Variants in LRRC66 observed in about 807,000 individuals in gnomAD.
The protein encoded by LRRC66 is leucine-rich repeat-containing protein 66.
LRRC66 carries 29 observed loss-of-function variants against 24.6 expected under a neutral mutation model. That is an observed-to-expected ratio of 1.18 (90% CI 0.88 to 1.61). The LOEUF is 1.61. Among genes scored for constraint, LRRC66 ranks in the 40% most tolerant of loss-of-function variants. LRRC66 has a pLI of 0.00. For missense variants in LRRC66, 1,124 were observed against 1,058.0 expected, an observed-to-expected ratio of 1.06 and a Z score of -0.87; for synonymous variants, 411 against 397.6, an observed-to-expected ratio of 1.03 and a Z score of -0.40.
In LRRC66 at chr4:51,995,761, A is replaced by C. The variant is rs1736292376; in HGVS notation, c.1261T>G (p.Ser421Ala). Residue 421 changes from serine (S) to alanine (A), a missense_variant, in exon 5 of 5, where the codon TCA (serine) becomes GCA (alanine). Transcript: ENST00000682860. ...ATGTCATCGTAGAAGCCCTCGTTTGAATACGCGTTGTCCAGGCCAGGGCTT... is the reference window on the plus strand; with the variant it reads ...ATGTCATCGTAGAAGCCCTCGTTTGCATACGCGTTGTCCAGGCCAGGGCTT... ...SKSPGLDNAY[S>A]NEGFYDDMEA... 6.2e-7 allele frequency: 1 copy of C among 1,613,944 alleles called. No individual in the cohort carries two copies. Among genetic ancestry groups the C allele is most frequent in the Non-Finnish European group, 8.5e-7 (1 of 1,180,010 alleles).
chr4:52,007,342 C>T (rs1736611700), intron 2 of LRRC66, among the ~76,000 whole-genome samples: 1 of 151,632 alleles, frequency 6.6e-6, no homozygotes, highest in Non-Finnish European at 1.5e-5. Flanking sequence ...CTATGTCTGG[C>T]TATTTTTTTT....
At chr4:52,015,769 C>T (rs1326338343) in intron 2 of LRRC66, among the ~76,000 whole-genome samples, 2 of 152,116 alleles carry the variant, frequency 1.3e-5, no homozygotes, top group African/African-American at 4.8e-5. Flanking sequence ...CTTGATTAAA[C>T]CAATTATGAT....
chr4:52,006,349 C>T (rs1175474596), intron 2 of LRRC66, among the ~76,000 whole-genome samples: 1 of 152,002 alleles, frequency 6.6e-6, no homozygotes, highest in Non-Finnish European at 1.5e-5. Context: ...GGCACATATA[C>T]ACCATGGAAT....
chr4:52,000,668 C>T (rs994913117), intron 3 of LRRC66, among the ~76,000 whole-genome samples: 4 of 152,236 alleles, frequency 2.6e-5, no homozygotes, highest in African/African-American at 9.7e-5. Context: ...TGGCACAGAA[C>T]TGAAGGCAGG....
intron 2 of LRRC66, among the ~76,000 whole-genome samples, chr4:52,011,896 G>C (rs1736713058): frequency 6.6e-6 from 1 of 152,136 alleles, no homozygotes; most frequent in Non-Finnish European, 1.5e-5. Flanking sequence ...AGAATTACAA[G>C]TAAACAGGCT....
chr4:51,994,456 G>A lies in LRRC66; in HGVS notation c.2566C>T (p.Pro856Ser), dbSNP rs1393003099. Residue 856 changes from proline (P) to serine (S), a missense_variant, in exon 5 of 5, where the codon CCA (proline) becomes TCA (serine). Coordinates refer to ENST00000682860, the MANE Select transcript of LRRC66 (RefSeq NM_001024611.3). ...GAGGGAACTTCAGCAGAACATGGTG[G>A]TGTTTGCTGTAAAACGTCCACATTT... ...FSNVDVLQQT[P>S]PCSAEVPSDP... The A allele has an allele frequency of 3.7e-6, 6 of 1,614,236 alleles. No individual in the cohort carries two copies. The highest frequency in any genetic ancestry group is 1.1e-5 in the South Asian group (1 of 91,088).
chr4:51,995,615 T>A lies in LRRC66; in HGVS notation c.1407A>T (p.Val469=), dbSNP rs200595633. Reference sequence around the variant, plus strand: ...TCCTTCCCAGAGTTCTATCAGGAATTACGGTGGCGTGTGGGTGTGGCTGTG... The same window carrying A: ...TCCTTCCCAGAGTTCTATCAGGAATAACGGTGGCGTGTGGGTGTGGCTGTG... The part of the protein sequence containing the change: ...WVTQPHPHAT[V]IPDRTLGRSR... Residue 469 remains valine (V), a synonymous_variant, in exon 5 of 5, where the codon GTA becomes GTT. Transcript: ENST00000682860. 3.3e-4 allele frequency: 540 copies of A among 1,614,116 alleles called. 2 individuals carry two copies. The African/African-American group carries it at 6.4e-3, about 19-fold the overall frequency.
In LRRC66 at chr4:51,995,420, G is replaced by C. The variant is rs1736275333; in HGVS notation, c.1602C>G (p.Leu534=). The change falls in exon 5 of 5, where the codon CTC becomes CTG. Residue 534 remains leucine, a synonymous_variant. Coordinates refer to ENST00000682860, the MANE Select transcript of LRRC66 (RefSeq NM_001024611.3). The part of the protein sequence containing the change: ...AQDHIHRNDI[L]GEWTYETVAQ... ...CCACAGTTTCATAAGTCCATTCTCCGAGAATATCATTCCTATGGATGTGGT... is the reference window on the plus strand; with the variant it reads ...CCACAGTTTCATAAGTCCATTCTCCCAGAATATCATTCCTATGGATGTGGT... 1 of 1,614,142 alleles carries C rather than the reference G, an allele frequency of 6.2e-7. No homozygotes were observed. Among genetic ancestry groups the C allele is most frequent in the Admixed American group, 1.7e-5 (1 of 60,010 alleles).
rs1736310496 is a variant in LRRC66, at chr4:51,996,128, C to A, written c.894G>T (p.Arg298Ser). ...GAGGAAGGCGGGTTTCCCTGGAAAT[C>A]CTGCTCTGGGGAGTGCCCCCGTTGG... ...EEANGGTPQS[R>S]ISRETRLPPI... is the part of the protein sequence containing the mutation. Residue 298 changes from arginine (R) to serine (S), a missense_variant, in exon 5 of 5, where the codon AGG becomes AGT. Physicochemically the swap from Arg to Ser is moderately radical, Grantham distance 110 (BLOSUM62 -1). Transcript: ENST00000682860. 1 of 1,613,768 alleles carries A rather than the reference C, an allele frequency of 6.2e-7. No homozygotes were observed. Among genetic ancestry groups the A allele is most frequent in the African/African-American group, 1.3e-5 (1 of 74,892 alleles).
intron 2 of LRRC66, among the ~76,000 whole-genome samples, chr4:52,003,684 A>C (rs149943069): frequency 6.6e-6 from 1 of 152,340 alleles, no homozygotes; most frequent in African/African-American, 2.4e-5. Flanking sequence ...TTGAGTGAGC[A>C]GGAAAAGGCC....
chr4:52,004,454 G>A (rs1462918355), intron 2 of LRRC66, among the ~76,000 whole-genome samples: 1 of 152,110 alleles, frequency 6.6e-6, no homozygotes, highest in Non-Finnish European at 1.5e-5. Flanking sequence ...TTGAATTTTG[G>A]TCTCTGCCTT....
chr4:51,997,604 C>G, intron 4 of LRRC66, 144 bp downstream of exon 4: 1 of 680,170 alleles, frequency 1.5e-6, no homozygotes, highest in Non-Finnish European at 2.5e-6. Flanking sequence ...AATGATTTTT[C>G]TATGACACAG....
Position 51,994,766 on chromosome 4 carries a change from A to G in LRRC66, c.2256T>C (p.Ser752=). The change falls in exon 5 of 5, where the codon AGT becomes AGC. Residue 752 remains serine, a synonymous_variant. Coordinates refer to ENST00000682860, the MANE Select transcript of LRRC66 (RefSeq NM_001024611.3). ...ASKDNVTAVD[S]LEENVTFQTI... Reference sequence around the variant, plus strand: ...TTTGGAAGGTAACATTTTCCTCAAGACTGTCTACAGCCGTCACATTGTCCT... The same window carrying G: ...TTTGGAAGGTAACATTTTCCTCAAGGCTGTCTACAGCCGTCACATTGTCCT... 1 of 1,614,170 alleles carries G rather than the reference A, an allele frequency of 6.2e-7. No individual in the cohort carries two copies. The highest frequency in any genetic ancestry group is 1.1e-5 in the South Asian group (1 of 91,080).
At chr4:51,997,720 C>T in intron 4 of LRRC66, 28 bp downstream of exon 4, 2 of 1,583,232 alleles carry the variant, frequency 1.3e-6, no homozygotes, top group East Asian at 2.2e-5. Flanking sequence ...ATAAATGGAG[C>T]CTTTTCAGAG....
chr4:52,007,793 C>T (rs1024191137), intron 2 of LRRC66, among the ~76,000 whole-genome samples: 2 of 152,158 alleles, frequency 1.3e-5, no homozygotes, highest in African/African-American at 4.8e-5. Flanking sequence ...GCTTATGTGG[C>T]AGGGCTTGCT....
chr4:51,995,139 G>A lies in LRRC66; in HGVS notation c.1883C>T (p.Ser628Leu), dbSNP rs367977325. 5 of 1,614,132 alleles carry A rather than the reference G, an allele frequency of 3.1e-6. No homozygotes were observed. Among genetic ancestry groups the A allele is most frequent in the Non-Finnish European group, 3.4e-6 (4 of 1,180,054 alleles). ...MEFSKERQVSSSIDLLSIQQP... is the reference protein window; with the variant it reads ...MEFSKERQVSLSIDLLSIQQP... Reference sequence around the variant, plus strand: ...CTGTATGCTCAGCAAATCAATGGATGAACTCACTTGCCTTTCCTTAGAAAA... The same window carrying A: ...CTGTATGCTCAGCAAATCAATGGATAAACTCACTTGCCTTTCCTTAGAAAA... The change falls in exon 5 of 5, where the codon TCA (serine) becomes TTA (leucine). Residue 628 changes from serine (S) to leucine (L), a missense_variant. Ser to Leu is a moderately radical substitution (Grantham distance 145). Transcript: ENST00000682860.
rs1357130505 is a variant in LRRC66 at position 51,993,884 on chromosome 4, A to C, written c.*495T>G. On this transcript the variant is annotated 3_prime_UTR_variant, in exon 5 of 5. Coordinates refer to ENST00000682860, the MANE Select transcript of LRRC66 (RefSeq NM_001024611.3). ...TCATTTGAATTCTCTTTGATGATCAAGTTGAACATCCTTGTCTTTGTCATC... is the reference window on the plus strand; with the variant it reads ...TCATTTGAATTCTCTTTGATGATCACGTTGAACATCCTTGTCTTTGTCATC... 6.5e-6 allele frequency: 1 copy of C among 152,696 alleles called. No individual in the cohort carries two copies. The highest frequency in any genetic ancestry group is 1.5e-5 in the Non-Finnish European group (1 of 68,394). 9.5% of individuals were successfully genotyped at this position (152,696 alleles called of 1,614,324 possible). A position where few individuals can be genotyped will look rare whatever the true frequency, so the allele number is the denominator to read the frequency against.
At chr4:52,000,234 T>C (rs900144274) in intron 3 of LRRC66, among the ~76,000 whole-genome samples, 1 of 152,218 alleles carries the variant, frequency 6.6e-6, no homozygotes, top group African/African-American at 2.4e-5. Flanking sequence ...GGTTGATTTT[T>C]AGTCTGCCTG....
intron 2 of LRRC66, among the ~76,000 whole-genome samples, chr4:52,015,255 C>CA (rs1451013123): frequency 1.3e-5 from 2 of 151,976 alleles, no homozygotes; most frequent in Admixed American, 6.6e-5. Flanking sequence ...GCTGAGTCTA[C>CA]AAGTCTTTCT....
Sources: gnomAD v4.1 joint callset for allele counts (sites outside exome capture counted in the v4.1 genomes callset) on GRCh38, gnomAD v4.1.1 for gene constraint, MANE v1.5 for transcripts, NCBI Gene and HGNC (gene_info 2026-07-23, HGNC 2026-07-21) for gene names.